The following TSHZ2 variants were observed in gnomAD, a reference collection of about 807,000 sequenced individuals.
TSHZ2 encodes the protein teashirt zinc finger homeobox 2.
TSHZ2 carries 21 observed loss-of-function variants against 74.4 expected under a neutral mutation model. That is an observed-to-expected ratio of 0.28 (90% CI 0.20 to 0.41). The LOEUF is 0.41. Ranked by LOEUF, TSHZ2 falls within the 10% of genes least tolerant of loss-of-function variation. The pLI, the probability that TSHZ2 is intolerant of heterozygous loss-of-function variation, is 1.00. For missense variants in TSHZ2, 1,244 were observed against 1,293.5 expected, an observed-to-expected ratio of 0.96 and a Z score of 0.59; for synonymous variants, 540 against 515.3, an observed-to-expected ratio of 1.05 and a Z score of -0.65.
chr20:53,416,910 T>C (rs1983274623), intron 2 of TSHZ2, among the ~76,000 whole-genome samples: 1 of 152,238 alleles, frequency 6.6e-6, no homozygotes. Flanking sequence ...GAGAATTAAT[T>C]CTTGAAAAAG....
In TSHZ2 at chr20:53,255,903, G is replaced by A; in HGVS notation, c.2445G>A (p.Arg815=). The change falls in exon 2 of 3, where the codon AGG becomes AGA. Residue 815 remains arginine, a synonymous_variant. Coordinates refer to ENST00000371497, the MANE Select transcript of TSHZ2 (RefSeq NM_173485.6). This position sits in a 1 kb window ranked among gnomAD's most constrained non-coding sequence, Gnocchi z 4.1. ...ATTPKPASSS[R]VPPMKLEMDV... The stretch of plus-strand genomic sequence containing the variant: ...CCCCAAAGCCAGCCTCCTCCTCCAG[G>A]GTCCCCCCCATGAAGCTGGAAATGG... 6.2e-7 allele frequency: 1 copy of A among 1,613,980 alleles called. No individual in the cohort carries two copies. Among genetic ancestry groups the A allele is most frequent in the Non-Finnish European group, 8.5e-7 (1 of 1,179,952 alleles).
At chr20:53,064,469 C>T (rs1239443613) in intron 1 of TSHZ2, among the ~76,000 whole-genome samples, 1 of 151,582 alleles carries the variant, frequency 6.6e-6, no homozygotes, top group African/African-American at 2.4e-5. Flanking sequence ...ACGTTTGAGC[C>T]CCTATGCCAT....
At chr20:53,402,708 G>A (rs1232876488) in intron 2 of TSHZ2, among the ~76,000 whole-genome samples, 1 of 152,144 alleles carries the variant, frequency 6.6e-6, no homozygotes, top group African/African-American at 2.4e-5. Context: ...GTGGAGGGAG[G>A]TGGAGGAAAC....
chr20:53,062,068 G>A (rs985039343), intron 1 of TSHZ2, among the ~76,000 whole-genome samples: 1 of 152,154 alleles, frequency 6.6e-6, no homozygotes, highest in African/African-American at 2.4e-5. Flanking sequence ...TCTATGAAGA[G>A]ATGTGTTTTT....
At chr20:53,145,362 GT>G (rs1159168147) in intron 1 of TSHZ2, among the ~76,000 whole-genome samples, 5 of 152,190 alleles carry the variant, frequency 3.3e-5, no homozygotes, top group Non-Finnish European at 7.3e-5. Flanking sequence ...TAGGGCCTCT[GT>G]TTTTCTTTCC....
At chr20:53,404,423 C>A (rs915310852) in intron 2 of TSHZ2, among the ~76,000 whole-genome samples, 6 of 152,194 alleles carry the variant, frequency 3.9e-5, no homozygotes, top group Non-Finnish European at 7.3e-5. Context: ...AATTACTTTT[C>A]TTTTCCTGAA....
intron 2 of TSHZ2, among the ~76,000 whole-genome samples, chr20:53,373,338 T>C (rs1771651025): frequency 6.6e-6 from 1 of 152,234 alleles, no homozygotes; most frequent in Non-Finnish European, 1.5e-5. Flanking sequence ...AATTTTTTAG[T>C]GGGCTATCTG....
chr20:53,041,682 TGAA>T (rs1352344036), intron 1 of TSHZ2, among the ~76,000 whole-genome samples: 2 of 152,206 alleles, frequency 1.3e-5, no homozygotes, highest in African/African-American at 4.8e-5. Context: ...ACACTGCAGA[TGAA>T]GAAGGTGAGG....
rs141908609 is a variant in TSHZ2 at position 53,379,802 on chromosome 20, G to C, written c.*9-107342G>C. 7.9e-5 allele frequency among the ~76,000 whole-genome samples: 12 copies of C among 152,290 alleles called. No homozygotes were observed. The East Asian group carries it at 1.3e-3, about 17-fold the overall frequency. ...AAAATGGCTTTCTTCCAAAGGGCTT[G>C]CTGGTTATAATTATCAAACATATCT... On this transcript the variant is annotated intron_variant, in intron 2 of 2. Coordinates refer to ENST00000371497, the MANE Select transcript of TSHZ2 (RefSeq NM_173485.6).
At chr20:53,402,232 C>T (rs913055505) in intron 2 of TSHZ2, among the ~76,000 whole-genome samples, 1 of 152,200 alleles carries the variant, frequency 6.6e-6, no homozygotes, top group Admixed American at 6.5e-5. Flanking sequence ...AGTGCTGGAT[C>T]AAATGGTAGA....
intron 1 of TSHZ2, among the ~76,000 whole-genome samples, chr20:53,102,746 G>A (rs966112186): frequency 3.9e-5 from 6 of 152,146 alleles, no homozygotes; most frequent in East Asian, 1.9e-4. Flanking sequence ...ATGGTAGAAC[G>A]GAAGAATATG....
chr20:53,095,651 T>C (rs1434768123), intron 1 of TSHZ2, among the ~76,000 whole-genome samples: 2 of 152,178 alleles, frequency 1.3e-5, no homozygotes, highest in Non-Finnish European at 2.9e-5. Flanking sequence ...ACCTAAGCAC[T>C]CTTGACATTT....
chr20:52,986,590 G>A (rs529880799), intron 1 of TSHZ2, among the ~76,000 whole-genome samples: 5 of 151,648 alleles, frequency 3.3e-5, no homozygotes, highest in African/African-American at 7.3e-5. Context: ...TTAGCCAGGC[G>A]TGATGGGGCA....
At chr20:53,335,079 A>C (rs1191507192) in intron 2 of TSHZ2, among the ~76,000 whole-genome samples, 1 of 152,248 alleles carries the variant, frequency 6.6e-6, no homozygotes, top group East Asian at 1.9e-4. Flanking sequence ...GCAATAACCC[A>C]GGTGAGAGAC....
chr20:53,152,273 G>A (rs1051331851), intron 1 of TSHZ2, among the ~76,000 whole-genome samples: 4 of 152,098 alleles, frequency 2.6e-5, no homozygotes, highest in Admixed American at 6.5e-5. Context: ...GTGAGCCAGG[G>A]AACTCAGGTG....
At chr20:53,008,180 G>A in intron 1 of TSHZ2, among the ~76,000 whole-genome samples, 1 of 152,130 alleles carries the variant, frequency 6.6e-6, no homozygotes, top group East Asian at 1.9e-4. Flanking sequence ...AGTGTGTTTA[G>A]TCTTTATGAA....
At chr20:53,310,126 C>T (rs369602169) in intron 2 of TSHZ2, among the ~76,000 whole-genome samples, 3 of 152,216 alleles carry the variant, frequency 2.0e-5, no homozygotes, top group Non-Finnish European at 2.9e-5. Context: ...GCCCAGGAGA[C>T]AGGAGACCTG....
Position 53,256,125 on chromosome 20 carries a change from G to A in TSHZ2, c.2667G>A (p.Thr889=), listed in dbSNP as rs374438468. The change falls in exon 2 of 3, where the codon ACG becomes ACA. Residue 889 remains threonine (T), a synonymous_variant. Transcript: ENST00000371497. The surrounding 1 kb of genome is among the most constrained non-coding windows in gnomAD (Gnocchi z 4.3). ...PQERMQISKF[T]GLSMTTISHW... The stretch of plus-strand genomic sequence containing the variant: ...AGCGTATGCAAATCTCTAAGTTTAC[G>A]GGACTCTCAATGACCACTATCAGTC... 68 of 1,613,922 alleles carry A rather than the reference G, an allele frequency of 4.2e-5. No individual in the cohort carries two copies. The highest frequency in any genetic ancestry group is 2.1e-4 in the African/African-American group (16 of 74,880).
At chr20:53,421,185 T>C (rs1425907555) in intron 2 of TSHZ2, 1 of 152,616 alleles carries the variant, frequency 6.6e-6, no homozygotes, top group Non-Finnish European at 1.5e-5. Flanking sequence ...TAAAAAGTCA[T>C]GGCCACAGCC....
Sources: gnomAD v4.1 joint callset for allele counts (sites outside exome capture counted in the v4.1 genomes callset) on GRCh38, gnomAD v4.1.1 for gene constraint, Gnocchi (gnomAD v3.1) non-coding constraint, MANE v1.5 for transcripts, NCBI Gene and HGNC (gene_info 2026-07-23, HGNC 2026-07-21) for gene names.